ST6GAL1: variants seen among roughly 807,000 people sequenced by gnomAD.
ST6GAL1 encodes beta-galactoside alpha-2,6-sialyltransferase 1.
A neutral mutation model predicts 38.0 loss-of-function variants in ST6GAL1; 20 were observed. The observed-to-expected ratio is 0.53, with a 90% CI of 0.37 to 0.77. The LOEUF is 0.77. ST6GAL1 is among the 30% of genes least tolerant of loss of function. The pLI is 0.00. For missense variants in ST6GAL1, 432 were observed against 496.4 expected, an observed-to-expected ratio of 0.87 and a Z score of 1.23; for synonymous variants, 196 against 188.2, an observed-to-expected ratio of 1.04 and a Z score of -0.34.
chr3:186,979,382 G>T (rs1251762230), intron 2 of ST6GAL1, among the ~76,000 whole-genome samples: 1 of 152,158 alleles, frequency 6.6e-6, no homozygotes. Flanking sequence ...AGGCCTTACA[G>T]TTGGGAAGTG....
At chr3:187,029,374 A>C (rs1460560016) in intron 2 of ST6GAL1, among the ~76,000 whole-genome samples, 1 of 152,106 alleles carries the variant, frequency 6.6e-6, no homozygotes, top group East Asian at 1.9e-4. Flanking sequence ...CTAGTGGACA[A>C]GTGTTGGTTA....
chr3:186,974,231 A>AC (rs1183396092), intron 2 of ST6GAL1, among the ~76,000 whole-genome samples: 23 of 151,966 alleles, frequency 1.5e-4, no homozygotes, highest in African/African-American at 4.3e-4. Flanking sequence ...CAGGGCCCTC[A>AC]CCCCGCCTCC....
At position 187,057,899 on chromosome 3, in the gene ST6GAL1, A is replaced by C. The variant is rs374059369; in HGVS notation, c.705+6553A>C. ...TTATTCAGCTATGCCCTGCCCCCAG[A>C]GGTGGAGTCTACAGAGGCAGCAGGC... On this transcript the variant is annotated intron_variant, in intron 5 of 7. Transcript: ENST00000169298. Among the ~76,000 whole-genome samples, 156 of 152,264 alleles carry C rather than the reference A, an allele frequency of 1.0e-3. 4 individuals are homozygous for C. In the South Asian group the frequency reaches 0.03, roughly 29 times the overall value.
chr3:187,050,948 C>A (rs938142334), intron 4 of ST6GAL1, among the ~76,000 whole-genome samples: 2 of 152,196 alleles, frequency 1.3e-5, no homozygotes, highest in Admixed American at 6.5e-5. Flanking sequence ...CTGTAAGTAG[C>A]ACACTGGCTT....
intron 2 of ST6GAL1, among the ~76,000 whole-genome samples, chr3:187,019,272 A>C (rs1717215965): frequency 6.6e-6 from 1 of 152,160 alleles, no homozygotes; most frequent in South Asian, 2.1e-4. Context: ...GGATGAGGAG[A>C]TATGAAAAAT....
At chr3:187,048,966 C>T (rs1014925040) in intron 4 of ST6GAL1, among the ~76,000 whole-genome samples, 3 of 148,752 alleles carry the variant, frequency 2.0e-5, no homozygotes, top group Non-Finnish European at 3.0e-5. Context: ...TCTCGGCTCA[C>T]GCTAACCCCC....
chr3:187,022,357 T>TGG (rs1717350656), intron 2 of ST6GAL1, among the ~76,000 whole-genome samples: 1 of 152,008 alleles, frequency 6.6e-6, no homozygotes, highest in African/African-American at 2.4e-5. Context: ...CACAGGGACT[T>TGG]GGGGGGTAGA....
intron 2 of ST6GAL1, among the ~76,000 whole-genome samples, chr3:186,999,507 G>A (rs1214475253): frequency 6.6e-6 from 1 of 151,810 alleles, no homozygotes; most frequent in African/African-American, 2.4e-5. Context: ...CGCCTCCCTG[G>A]TTCAGGCCAT....
At chr3:186,976,818 C>T (rs1320306493) in intron 2 of ST6GAL1, among the ~76,000 whole-genome samples, 1 of 152,188 alleles carries the variant, frequency 6.6e-6, no homozygotes. Context: ...GAATGGCTTG[C>T]TTACCTTTGT....
intron 1 of ST6GAL1, among the ~76,000 whole-genome samples, chr3:186,934,172 A>G (rs577517720): frequency 2.0e-5 from 3 of 152,224 alleles, no homozygotes; most frequent in African/African-American, 4.8e-5. Context: ...AGGCTGTTCC[A>G]GCGGAGCGGA....
chr3:186,969,949 T>C (rs1715290039), intron 2 of ST6GAL1, among the ~76,000 whole-genome samples: 1 of 152,244 alleles, frequency 6.6e-6, no homozygotes, highest in Non-Finnish European at 1.5e-5. Flanking sequence ...GTTTTCTTAC[T>C]GGCTGGGTGC....
intron 2 of ST6GAL1, among the ~76,000 whole-genome samples, chr3:186,993,556 TTTTATTTA>T (rs71167027): frequency 0.22 from 19,218 of 87,864 alleles, 1,355 homozygotes; most frequent in East Asian, 0.29. Flanking sequence ...CTTGACAGAG[TTTTATTTA>T]TTTATTTATT....
At chr3:187,073,220 T>A (rs1056453763) in intron 6 of ST6GAL1, among the ~76,000 whole-genome samples, 1 of 152,110 alleles carries the variant, frequency 6.6e-6, no homozygotes. Flanking sequence ...GCATCTGGGG[T>A]AGATTGTTCA....
intron 1 of ST6GAL1, among the ~76,000 whole-genome samples, chr3:186,947,412 T>C (rs1254288957): frequency 6.6e-6 from 1 of 152,190 alleles, no homozygotes; most frequent in Non-Finnish European, 1.5e-5. Context: ...TGCACAGCCA[T>C]GCCCATGGTT....
At chr3:187,014,025 T>C (rs767586672) in intron 2 of ST6GAL1, among the ~76,000 whole-genome samples, 1 of 152,238 alleles carries the variant, frequency 6.6e-6, no homozygotes, top group Non-Finnish European at 1.5e-5. Context: ...AAGCCGGGCC[T>C]CAGCCTTCTG....
intron 4 of ST6GAL1, among the ~76,000 whole-genome samples, chr3:187,048,880 A>AT (rs374148828): frequency 0.011 from 1,242 of 115,242 alleles, 81 homozygotes; most frequent in South Asian, 0.033. Context: ...GAGAAATTGA[A>AT]TTTTTTTTTT....
chr3:187,052,315 T>C (rs1718543395), intron 5 of ST6GAL1, among the ~76,000 whole-genome samples: 1 of 152,246 alleles, frequency 6.6e-6, no homozygotes, highest in South Asian at 2.1e-4. Context: ...TTTAAAATTA[T>C]ACTTTAAGTT....
At chr3:187,064,039 C>T (rs936714082) in intron 5 of ST6GAL1, among the ~76,000 whole-genome samples, 4 of 152,052 alleles carry the variant, frequency 2.6e-5, no homozygotes, top group East Asian at 1.9e-4. Flanking sequence ...TGCCTGTTTG[C>T]GAATGACTCC....
intron 2 of ST6GAL1, among the ~76,000 whole-genome samples, chr3:187,003,546 C>A (rs1716689920): frequency 6.6e-6 from 1 of 152,148 alleles, no homozygotes; most frequent in African/African-American, 2.4e-5. Context: ...TTATTTAGAT[C>A]TTTTATTGCT....
Sources: allele counts gnomAD v4.1 joint callset (sites outside exome capture counted in the v4.1 genomes callset), GRCh38; gene constraint gnomAD v4.1.1; transcripts MANE v1.5; gene names NCBI Gene and HGNC (gene_info 2026-07-23, HGNC 2026-07-21).